MYG1: variants seen among roughly 807,000 people sequenced by gnomAD.
The protein encoded by MYG1 is UPF0160 protein MYG1, mitochondrial.
Under a neutral mutation model 43.5 loss-of-function variants are expected in MYG1, and 36 were observed. The observed-to-expected ratio is 0.83, with a 90% CI of 0.63 to 1.09. The LOEUF (loss-of-function observed/expected upper bound fraction) is 1.09. Among genes scored for constraint, MYG1 ranks in the 50% least tolerant of loss-of-function variants. The pLI is 0.00. For synonymous variants in MYG1, 220 were observed against 202.8 expected (o/e 1.08, Z -0.72); for missense variants, 529 against 495.1 (o/e 1.07, Z -0.65).
intron 5 of MYG1, 152 bp from the exon 6 acceptor site, chr12:53,306,528 G>T: frequency 1.8e-6 from 2 of 1,081,444 alleles, no homozygotes; most frequent in Non-Finnish European, 2.6e-6. Context: ...ATTTTTTGTA[G>T]AGACAGGGTC....
At chr12:53,304,953 G>GCGCCTCCCGGGTT (rs1944261556) in intron 3 of MYG1, among the ~76,000 whole-genome samples, 1 of 143,254 alleles carries the variant, frequency 7.0e-6, no homozygotes, top group South Asian at 2.2e-4. Flanking sequence ...ACTGCAAGCT[G>GCGCCTCCCGGGTT]CGCCTCCCAG....
chr12:53,300,306 T>C, intron 2 of MYG1, 44 bp downstream of exon 2: 1 of 1,413,102 alleles, frequency 7.1e-7, no homozygotes, highest in South Asian at 1.4e-5. Flanking sequence ...TGACCTCAGC[T>C]TTCCTCTGTG....
At chr12:53,300,449 A>C in intron 2 of MYG1, 187 bp downstream of exon 2, 1 of 475,504 alleles carries the variant, frequency 2.1e-6, no homozygotes, top group African/African-American at 2.0e-5. Flanking sequence ...CTGGCCTGGG[A>C]CCTCCTTTGG....
Position 53,305,942 on chromosome 12 carries a change from T to TA in MYG1, c.524_525insA (p.Asp176GlyfsTer28), listed in dbSNP as rs746484118. Reference sequence around the variant, plus strand: ...AACTTTGTGGAGGAGGTGGATGCTGTGGACAATGGGATCTCCCAGTGGGCA... The same window carrying TA: ...AACTTTGTGGAGGAGGTGGATGCTGTAGGACAATGGGATCTCCCAGTGGGCA... On this transcript the variant is annotated frameshift_variant, in exon 4 of 7. Coordinates refer to ENST00000267103, the MANE Select transcript of MYG1 (RefSeq NM_021640.4). LOFTEE classifies it high-confidence loss of function. The TA allele has an allele frequency of 6.2e-7, 1 of 1,612,324 alleles. No homozygotes were observed. The highest frequency in any genetic ancestry group is 1.3e-5 in the African/African-American group (1 of 74,842).
At chr12:53,305,572 A>G (rs1377735054) in intron 3 of MYG1, 2 of 184,322 alleles carry the variant, frequency 1.1e-5, no homozygotes, top group African/African-American at 2.4e-5. Context: ...CTTCAGCCAC[A>G]GGGACCCACT....
intron 2 of MYG1, among the ~76,000 whole-genome samples, chr12:53,302,151 TTTCCATTCTTAGTAGAAAC>T (rs1172275590): frequency 6.6e-6 from 1 of 152,160 alleles, no homozygotes; most frequent in African/African-American, 2.4e-5. Context: ...CCGGCTAATT[TTTCCATTCTTAGTAGAAAC>T]AGAGTTTCAG....
intron 3 of MYG1, 148 bp downstream of exon 3, chr12:53,303,341 T>A: frequency 1.2e-6 from 1 of 854,692 alleles, no homozygotes; most frequent in South Asian, 1.9e-5. Context: ...TCAGTCAGGC[T>A]CATCTCACAA....
chr12:53,302,928 A>G (rs1944242052), intron 2 of MYG1, 106 bp from the exon 3 acceptor site: 4 of 1,289,364 alleles, frequency 3.1e-6, no homozygotes, highest in African/African-American at 1.5e-5. Context: ...TGTCTAATAA[A>G]ACATAAAATG....
intron 3 of MYG1, 122 bp downstream of exon 3, chr12:53,303,315 A>G (rs1003623159): frequency 7.8e-6 from 8 of 1,031,060 alleles, no homozygotes; most frequent in African/African-American, 6.4e-5. Context: ...AGCAGGCCCA[A>G]CACTCATCCT....
intron 3 of MYG1, among the ~76,000 whole-genome samples, chr12:53,304,859 A>ATTTT (rs1944259027): frequency 2.8e-5 from 3 of 107,998 alleles, no homozygotes; most frequent in African/African-American, 1.1e-4. Flanking sequence ...GCCTAAACCC[A>ATTTT]TGTTTTTTTT....
chr12:53,301,370 T>C (rs1366276352), intron 2 of MYG1, among the ~76,000 whole-genome samples: 3 of 152,204 alleles, frequency 2.0e-5, no homozygotes, highest in East Asian at 3.8e-4. Context: ...GAAGTAATTA[T>C]CTTGGAGAGA....
In MYG1 at chr12:53,306,273, C is replaced by T; in HGVS notation, c.718C>T (p.Leu240=). 1 of 1,614,268 alleles carries T rather than the reference C, an allele frequency of 6.2e-7. No individual in the cohort carries two copies. The highest frequency in any genetic ancestry group is 8.5e-7 in the Non-Finnish European group (1 of 1,180,052). ...QRLDFYQHSW[L]PARALVEEAL... ...ATTAGATTTCTACCAACACAGCTGG[C>T]TGCCAGCCCGGGCCTTGGTGGAAGA... Residue 240 remains leucine (L), a synonymous_variant, in exon 5 of 7, where the codon CTG becomes TTG. Coordinates refer to ENST00000267103, the MANE Select transcript of MYG1 (RefSeq NM_021640.4).
At position 53,303,067 on chromosome 12, in the gene MYG1, T is replaced by C; in HGVS notation, c.363T>C (p.Pro121=). The change falls in exon 3 of 7, where the codon CCT becomes CCC. Residue 121 remains proline (P), a synonymous_variant. Transcript: ENST00000267103. ...CAGAGACCATGAGCTCCCTGTCCCC[T>C]GGGAAGCCGTGGCAGACCAAGCTGA... The part of the protein sequence containing the change: ...SFTETMSSLS[P]GKPWQTKLSS... The C allele has an allele frequency of 1.2e-6, 2 of 1,613,708 alleles. No individual in the cohort carries two copies. Among genetic ancestry groups the C allele is most frequent in the South Asian group, 1.1e-5 (1 of 91,022 alleles).
At chr12:53,301,749 T>G (rs1944234254) in intron 2 of MYG1, among the ~76,000 whole-genome samples, 1 of 151,204 alleles carries the variant, frequency 6.6e-6, no homozygotes, top group Non-Finnish European at 1.5e-5. Flanking sequence ...AGTGCAGTGA[T>G]GTGATCTCGA....
rs763938406 is a variant in MYG1, at chr12:53,305,940, T to G, written c.522T>G (p.Ala174=). ...MYENFVEEVD[A]VDNGISQWAE... is the part of the protein sequence containing the mutation. ...AGAACTTTGTGGAGGAGGTGGATGC[T>G]GTGGACAATGGGATCTCCCAGTGGG... is the stretch of plus-strand genomic sequence containing the variant. The change falls in exon 4 of 7, where the codon GCT becomes GCG. Residue 174 remains alanine (A), a synonymous_variant. Transcript: ENST00000267103. The G allele has an allele frequency of 1.2e-6, 2 of 1,612,412 alleles. No homozygotes were observed. Among genetic ancestry groups the G allele is most frequent in the Admixed American group, 1.7e-5 (1 of 59,654 alleles).
At chr12:53,302,283 T>C (rs1448076840) in intron 2 of MYG1, among the ~76,000 whole-genome samples, 1 of 152,182 alleles carries the variant, frequency 6.6e-6, no homozygotes, top group Admixed American at 6.5e-5. Context: ...CCAGCCTGTA[T>C]TTACTCAATA....
At chr12:53,304,784 G>A (rs1054137031) in intron 3 of MYG1, among the ~76,000 whole-genome samples, 1 of 123,620 alleles carries the variant, frequency 8.1e-6, no homozygotes, top group Non-Finnish European at 1.7e-5. Context: ...TTTGTAGAGA[G>A]GGTCTTGCTA....
chr12:53,302,271 G>A (rs1012287615), intron 2 of MYG1, among the ~76,000 whole-genome samples: 27 of 152,196 alleles, frequency 1.8e-4, no homozygotes, highest in Non-Finnish European at 2.8e-4. Context: ...GAGCCACTGA[G>A]CCCAGCCTGT....
At position 53,299,924 on chromosome 12, in the gene MYG1, G is replaced by A. The variant is rs1944211746; in HGVS notation, c.187G>A (p.Ala63Thr). 1 of 1,614,188 alleles carries A rather than the reference G, an allele frequency of 6.2e-7. No individual in the cohort carries two copies. The highest frequency in any genetic ancestry group is 8.5e-7 in the Non-Finnish European group (1 of 1,180,046). The change falls in exon 1 of 7, where the codon GCA (alanine) becomes ACA (threonine). Residue 63 changes from alanine to threonine, a missense_variant. Ala to Thr is a moderately conservative substitution (Grantham distance 58). Coordinates refer to ENST00000267103, the MANE Select transcript of MYG1 (RefSeq NM_021640.4). ...CCACTGCGACGAGGCACTGGCATGC[G>A]CACTGCTTCGCCTCCTGCCGGAGTA... The part of the protein sequence containing the change: ...TFHCDEALAC[A>T]LLRLLPEYRD...
Sources: gnomAD v4.1 joint callset for allele counts (sites outside exome capture counted in the v4.1 genomes callset) on GRCh38, gnomAD v4.1.1 for gene constraint, MANE v1.5 for transcripts, NCBI Gene and HGNC (gene_info 2026-07-23, HGNC 2026-07-21) for gene names.